Variants in PTH2R observed in about 807,000 individuals in gnomAD.
PTH2R encodes the protein PTH2 receptor.
In PTH2R, 59 loss-of-function variants were observed where a neutral mutation model predicts 60.3. The observed-to-expected ratio is 0.98, with a 90% confidence interval of 0.79 to 1.22. PTH2R has a LOEUF of 1.22. PTH2R is among the 50% of genes most tolerant of loss of function. The probability of loss-of-function intolerance (pLI) is 0.00; values close to 1 mark genes in which losing one functional copy is unlikely to be tolerated. For missense variants in PTH2R, 749 were observed against 682.6 expected, an observed-to-expected ratio of 1.10 and a Z score of -1.08; for synonymous variants, 256 against 243.8, an observed-to-expected ratio of 1.05 and a Z score of -0.47.
At position 208,394,971 on chromosome 2, in the gene PTH2R, G is replaced by A. The variant is rs114433656; in HGVS notation, c.-258-33230G>A. 8.5e-3 allele frequency among the ~76,000 whole-genome samples: 1,299 copies of A among 152,186 alleles called. 21 individuals are homozygous for A. The highest frequency in any genetic ancestry group is 0.029 in the African/African-American group (1,214 of 41,514). ...AATAACGAGACTAAAATCTGGCTGC[G>A]GAAGACATCTTACTCCTAACTGCTA... On this transcript the variant is annotated intron_variant, in intron 1 of 12. Coordinates refer to the PTH2R transcript ENST00000617735.
At chr2:208,388,394 G>A (rs1490260773) in intron 1 of PTH2R, among the ~76,000 whole-genome samples, 1 of 152,028 alleles carries the variant, frequency 6.6e-6, no homozygotes, top group African/African-American at 2.4e-5. Flanking sequence ...TAATTACACA[G>A]ATACTTCCAA....
At chr2:208,484,807 G>T (rs953200098) in intron 10 of PTH2R, among the ~76,000 whole-genome samples, 34 of 152,132 alleles carry the variant, frequency 2.2e-4, no homozygotes, top group African/African-American at 7.7e-4. Context: ...ACACTGAATG[G>T]ATACTTTCTC....
chr2:208,425,695 T>C (rs1559216060), intron 1 of PTH2R, among the ~76,000 whole-genome samples: 4 of 152,194 alleles, frequency 2.6e-5, no homozygotes, highest in South Asian at 2.1e-4. Flanking sequence ...TAAGCCCCAG[T>C]TGTGGGCTGC....
chr2:208,369,073 G>A (rs1700645592), intron 1 of PTH2R, among the ~76,000 whole-genome samples: 1 of 152,114 alleles, frequency 6.6e-6, no homozygotes, highest in Non-Finnish European at 1.5e-5. Context: ...AATAGCTCAA[G>A]TGTTCCCCTA....
intron 1 of PTH2R, among the ~76,000 whole-genome samples, chr2:208,426,491 T>C (rs1701860250): frequency 2.0e-5 from 3 of 152,310 alleles, no homozygotes; most frequent in South Asian, 2.1e-4. Context: ...TATTTGCTTT[T>C]ACTGGAAATG....
At chr2:208,367,837 A>G (rs745871066) in intron 1 of PTH2R, among the ~76,000 whole-genome samples, 4 of 152,194 alleles carry the variant, frequency 2.6e-5, no homozygotes, top group African/African-American at 4.8e-5. Context: ...CAACCAAAGC[A>G]AACAGGGTGC....
At chr2:208,457,815 G>A (rs112987846) in intron 8 of PTH2R, among the ~76,000 whole-genome samples, 1 of 152,248 alleles carries the variant, frequency 6.6e-6, no homozygotes, top group African/African-American at 2.4e-5. Context: ...TTAAAAATAT[G>A]TAGTTCTTAG....
intron 8 of PTH2R, among the ~76,000 whole-genome samples, chr2:208,456,319 G>A (rs1702514141): frequency 2.0e-5 from 3 of 152,050 alleles, no homozygotes; most frequent in Admixed American, 2.0e-4. Flanking sequence ...TAAAAAGTGA[G>A]CAATTTTGTT....
chr2:208,471,612 G>A (rs1482511142), intron 9 of PTH2R, among the ~76,000 whole-genome samples: 1 of 152,264 alleles, frequency 6.6e-6, no homozygotes, highest in Non-Finnish European at 1.5e-5. Flanking sequence ...TGGATGTCCA[G>A]GCAGAAGTTT....
At chr2:208,485,928 G>A (rs1319091060) in intron 10 of PTH2R, among the ~76,000 whole-genome samples, 1 of 152,216 alleles carries the variant, frequency 6.6e-6, no homozygotes, top group Non-Finnish European at 1.5e-5. Context: ...CTTTGAGGAA[G>A]CAATCTGACA....
At chr2:208,378,680 T>C (rs1700856712) in intron 1 of PTH2R, among the ~76,000 whole-genome samples, 1 of 152,090 alleles carries the variant, frequency 6.6e-6, no homozygotes, top group African/African-American at 2.4e-5. Context: ...AGGCCCTCAC[T>C]ACATACCGAA....
chr2:208,492,975 C>A (rs1703439762), intron 12 of PTH2R, among the ~76,000 whole-genome samples: 1 of 152,050 alleles, frequency 6.6e-6, no homozygotes, highest in African/African-American at 2.4e-5. Context: ...TTTTTCCTCT[C>A]CCATATGTCA....
chr2:208,385,837 C>G (rs1343894376), intron 1 of PTH2R, among the ~76,000 whole-genome samples: 1 of 152,180 alleles, frequency 6.6e-6, no homozygotes, highest in Non-Finnish European at 1.5e-5. Context: ...AATTTATTGT[C>G]AAAATTGTAC....
In PTH2R at chr2:208,448,178, G is replaced by T. The variant is rs184286744; in HGVS notation, c.854-2571G>T. Among the ~76,000 whole-genome samples the T allele has an allele frequency of 1.4e-4, 21 of 152,020 alleles. No individual in the cohort carries two copies. The East Asian group carries it at 3.9e-3, about 28-fold the overall frequency. On this transcript the variant is annotated intron_variant, in intron 7 of 12. Transcript: ENST00000272847. ...TATCTTAATCCAGCAAACATTTTTT[G>T]ATCATCCACTTGGCAGTAAGTGTTT... is the stretch of plus-strand genomic sequence containing the variant.
chr2:208,467,426 G>T (rs575009263), intron 9 of PTH2R, among the ~76,000 whole-genome samples: 3 of 152,074 alleles, frequency 2.0e-5, no homozygotes, highest in Non-Finnish European at 4.4e-5. Context: ...TGCACTACAC[G>T]CAATCTGCTA....
At chr2:208,452,721 A>G (rs1424899090) in intron 8 of PTH2R, among the ~76,000 whole-genome samples, 1 of 152,194 alleles carries the variant, frequency 6.6e-6, no homozygotes, top group Non-Finnish European at 1.5e-5. Flanking sequence ...TAATAATGAA[A>G]ACATTTTCTG....
At chr2:208,425,778 T>G (rs1281277893) in intron 1 of PTH2R, among the ~76,000 whole-genome samples, 1 of 152,164 alleles carries the variant, frequency 6.6e-6, no homozygotes. Flanking sequence ...TCTTGAGACT[T>G]TTAAATTTTT....
chr2:208,422,289 C>G (rs934603390), intron 1 of PTH2R, among the ~76,000 whole-genome samples: 2 of 152,156 alleles, frequency 1.3e-5, no homozygotes, highest in Admixed American at 6.5e-5. Context: ...AAAGGTTAAT[C>G]TTGGATGAAG....
chr2:208,450,255 A>C (rs1188159834), intron 7 of PTH2R, among the ~76,000 whole-genome samples: 1 of 152,196 alleles, frequency 6.6e-6, no homozygotes. Flanking sequence ...AAAAGAAGAG[A>C]CTAAACTGGT....
Sources: gnomAD v4.1 joint callset for allele counts (sites outside exome capture counted in the v4.1 genomes callset) on GRCh38, gnomAD v4.1.1 for gene constraint, MANE v1.5 for transcripts, NCBI Gene and HGNC (gene_info 2026-07-23, HGNC 2026-07-21) for gene names.